The following SMURF1 variants were observed in gnomAD, a reference collection of about 807,000 sequenced individuals.
The protein encoded by SMURF1 is E3 ubiquitin-protein ligase SMURF1.
Under a neutral mutation model 98.0 loss-of-function variants are expected in SMURF1, and 44 were observed. That is an observed-to-expected ratio of 0.45 (90% CI 0.35 to 0.58). The LOEUF is 0.58. Among genes scored for constraint, SMURF1 ranks in the 20% least tolerant of loss-of-function variants. SMURF1 has a pLI of 0.00. For missense variants in SMURF1, 687 were observed against 938.4 expected, an observed-to-expected ratio of 0.73 and a Z score of 3.50; for synonymous variants, 396 against 374.9, an observed-to-expected ratio of 1.06 and a Z score of -0.65.
At chr7:99,090,442 C>A (rs539139210) in intron 1 of SMURF1, among the ~76,000 whole-genome samples, 2 of 152,114 alleles carry the variant, frequency 1.3e-5, no homozygotes, top group African/African-American at 4.8e-5. Flanking sequence ...TCTCTCCCTC[C>A]CACATAGACC....
intron 1 of SMURF1, among the ~76,000 whole-genome samples, chr7:99,068,394 G>C (rs1200517090): frequency 1.3e-5 from 2 of 152,166 alleles, no homozygotes; most frequent in East Asian, 3.8e-4. Flanking sequence ...GGGCTCAAGT[G>C]ATCCTCCCAC....
At chr7:99,137,669 C>T (rs575761715) in intron 1 of SMURF1, among the ~76,000 whole-genome samples, 3 of 152,234 alleles carry the variant, frequency 2.0e-5, no homozygotes, top group Non-Finnish European at 4.4e-5. Flanking sequence ...GCCGACATTC[C>T]TCAGCCAATT....
intron 16 of SMURF1, among the ~76,000 whole-genome samples, chr7:99,033,335 G>A (rs546157588): frequency 2.6e-5 from 4 of 152,272 alleles, no homozygotes; most frequent in Non-Finnish European, 5.9e-5. Flanking sequence ...TTTTGAGACA[G>A]GGTCTCACTC....
intron 1 of SMURF1, among the ~76,000 whole-genome samples, chr7:99,094,066 T>C (rs1349321938): frequency 6.6e-6 from 1 of 152,186 alleles, no homozygotes; most frequent in Non-Finnish European, 1.5e-5. Context: ...TGTGTAACTA[T>C]ATATGGTCAA....
intron 1 of SMURF1, among the ~76,000 whole-genome samples, 187 bp downstream of exon 1, chr7:99,143,539 G>T (rs1346263917): frequency 7.1e-6 from 1 of 140,744 alleles, no homozygotes; most frequent in African/African-American, 2.6e-5. Flanking sequence ...CGGCCAGGGG[G>T]CGGGGCCGGG....
In SMURF1 at chr7:99,040,429, G is replaced by A; in HGVS notation, c.1499C>T (p.Ser500Leu). The change falls in exon 13 of 18, where the codon TCA (serine) becomes TTA (leucine). Residue 500 changes from serine (S) to leucine (L), a missense_variant. Physicochemically the swap from Ser to Leu is moderately radical, Grantham distance 145 (BLOSUM62 -2). Around this residue, in one of 2 missense-constraint regions of SMURF1, gnomAD observed 272 missense variants for 430.0 expected, o/e 0.63. Coordinates refer to ENST00000361368, the MANE Select transcript of SMURF1 (RefSeq NM_181349.3). Reference protein sequence around the residue: ...KQLLGKPIQLSDLESVDPELH... With the variant: ...KQLLGKPIQLLDLESVDPELH... ...CTCTGGGTCCACAGATTCCAGATCT[G>A]AGAGCTGGATGGGCTTCCCCAGCAG... The A allele has an allele frequency of 6.3e-7, 1 of 1,592,810 alleles. No homozygotes were observed. Among genetic ancestry groups the A allele is most frequent in the Non-Finnish European group, 8.5e-7 (1 of 1,169,614 alleles).
intron 7 of SMURF1, among the ~76,000 whole-genome samples, chr7:99,051,654 C>T (rs1563006213): frequency 6.6e-6 from 1 of 152,174 alleles, no homozygotes. Context: ...CCTCATCTAG[C>T]CTACATGTTA....
chr7:99,073,702 G>A (rs1432519403), intron 1 of SMURF1, among the ~76,000 whole-genome samples: 1 of 151,394 alleles, frequency 6.6e-6, no homozygotes, highest in Non-Finnish European at 1.5e-5. Context: ...GGGGGCTGAG[G>A]TTGCACTGAG....
At chr7:99,131,893 C>G (rs1328545666) in intron 1 of SMURF1, among the ~76,000 whole-genome samples, 1 of 152,050 alleles carries the variant, frequency 6.6e-6, no homozygotes, top group Non-Finnish European at 1.5e-5. Context: ...CACTCAGGTC[C>G]AGTATTCACA....
chr7:99,039,193 C>CAAAAA (rs34106810), intron 13 of SMURF1, among the ~76,000 whole-genome samples: 6 of 60,476 alleles, frequency 9.9e-5, no homozygotes, highest in Non-Finnish European at 1.4e-4. Flanking sequence ...GACTCTGTCT[C>CAAAAA]AAAAAAAAAA....
chr7:99,049,598 G>T lies in SMURF1; in HGVS notation c.918C>A (p.Thr306=). The change falls in exon 9 of 18, where the codon ACC becomes ACA. Residue 306 remains threonine (T), a synonymous_variant. Transcript: ENST00000361368. ...IYFVDHNNRT[T]QFTDPRLHHI... is the part of the protein sequence containing the mutation. ...GGTGTAACCTTGGGTCTGTAAACTG[G>T]GTTGTTCGGTTATTATGATCTACAA... The T allele has an allele frequency of 6.2e-7, 1 of 1,614,090 alleles. No individual in the cohort carries two copies. The highest frequency in any genetic ancestry group is 8.5e-7 in the Non-Finnish European group (1 of 1,179,986).
intron 12 of SMURF1, 86 bp from the exon 13 acceptor site, chr7:99,040,642 A>G: frequency 7.8e-7 from 1 of 1,279,974 alleles, no homozygotes; most frequent in Non-Finnish European, 1.0e-6. Context: ...CTTCTTGGGA[A>G]AAGTGTCCCA....
At chr7:99,079,298 A>G (rs1396019643) in intron 1 of SMURF1, among the ~76,000 whole-genome samples, 1 of 152,210 alleles carries the variant, frequency 6.6e-6, no homozygotes, top group African/African-American at 2.4e-5. Context: ...GCTCTGGGAC[A>G]CAGGGCCATG....
At chr7:99,046,745 A>AC (rs1438563756) in intron 10 of SMURF1, among the ~76,000 whole-genome samples, 2 of 151,652 alleles carry the variant, frequency 1.3e-5, no homozygotes, top group Admixed American at 6.6e-5. Flanking sequence ...AAAAAAAAAA[A>AC]AAAAAAAAAC....
At chr7:99,105,405 C>A (rs940070741) in intron 1 of SMURF1, among the ~76,000 whole-genome samples, 2 of 152,180 alleles carry the variant, frequency 1.3e-5, no homozygotes, top group African/African-American at 4.8e-5. Flanking sequence ...TATACCCAAA[C>A]ACAAACACTA....
chr7:99,087,207 A>C (rs1024147173), intron 1 of SMURF1, among the ~76,000 whole-genome samples: 1 of 147,550 alleles, frequency 6.8e-6, no homozygotes, highest in Admixed American at 6.7e-5. Context: ...CCATCTCTAC[A>C]AAAAAAAAAA....
chr7:99,039,772 C>G (rs1193119327), intron 13 of SMURF1, among the ~76,000 whole-genome samples: 1 of 152,214 alleles, frequency 6.6e-6, no homozygotes, highest in East Asian at 1.9e-4. Context: ...CCCACATTCC[C>G]TCCATCTGTC....
intron 1 of SMURF1, among the ~76,000 whole-genome samples, chr7:99,123,350 T>C (rs992723101): frequency 1.3e-5 from 2 of 151,986 alleles, no homozygotes; most frequent in South Asian, 2.1e-4. Flanking sequence ...CTGGGCAACA[T>C]TGTGAGACCC....
intron 1 of SMURF1, among the ~76,000 whole-genome samples, chr7:99,115,215 AG>A (rs942779381): frequency 6.6e-6 from 1 of 152,144 alleles, no homozygotes; most frequent in Non-Finnish European, 1.5e-5. Flanking sequence ...TTCTTTGAAA[AG>A]ATCAATAAAA....
Sources: allele counts gnomAD v4.1 joint callset (sites outside exome capture counted in the v4.1 genomes callset), GRCh38; gene constraint gnomAD v4.1.1; regional missense constraint gnomAD v4.1.1; transcripts MANE v1.5; gene names NCBI Gene and HGNC (gene_info 2026-07-23, HGNC 2026-07-21).